ERCC1: variants seen among roughly 807,000 people sequenced by gnomAD.
The protein encoded by ERCC1 is DNA excision repair protein ERCC-1.
A neutral mutation model predicts 37.6 loss-of-function variants in ERCC1; 36 were observed. That is an observed-to-expected ratio of 0.96 (90% CI 0.73 to 1.26). ERCC1 has a LOEUF of 1.26. Among genes scored for constraint, ERCC1 ranks in the 50% most tolerant of loss-of-function variants. The pLI is 0.00. For synonymous variants in ERCC1, 156 were observed against 162.1 expected (o/e 0.96, Z 0.28); for missense variants, 349 against 376.5 (o/e 0.93, Z 0.60).
chr19:45,427,824 C>G (rs1035817998), upstream of ERCC1, among the ~76,000 whole-genome samples: 23 of 151,452 alleles, frequency 1.5e-4, no homozygotes, highest in African/African-American at 5.3e-4. Context: ...GAGCCGGGGC[C>G]TCTCTGCTCC....
intron 1 of ERCC1, among the ~76,000 whole-genome samples, chr19:45,441,047 T>TA (rs1418530198): frequency 5.9e-5 from 9 of 152,298 alleles, no homozygotes; most frequent in Non-Finnish European, 1.2e-4. Context: ...CCGCCTCCAC[T>TA]AAGATTCTTT....
chr19:45,424,258 C>T (rs1306430363), upstream of ERCC1: 1 of 166,116 alleles, frequency 6.0e-6, no homozygotes, highest in Non-Finnish European at 1.3e-5. Flanking sequence ...CGCTTCCTCT[C>T]TTCCCGGTCC....
intron 1 of ERCC1, among the ~76,000 whole-genome samples, chr19:45,430,419 G>A (rs1420931925): frequency 2.0e-5 from 3 of 152,150 alleles, no homozygotes; most frequent in Admixed American, 6.6e-5. Flanking sequence ...GGCCCAAAGG[G>A]GCTAAAAGTA....
upstream of ERCC1, among the ~76,000 whole-genome samples, chr19:45,424,957 T>A (rs1273973443): frequency 6.7e-6 from 1 of 148,578 alleles, no homozygotes; most frequent in Non-Finnish European, 1.5e-5. Flanking sequence ...AGTTTCGCTC[T>A]TATTACCCAG....
chr19:45,409,312 G>T lies in ERCC1; in HGVS notation c.*363C>A. The T allele has an allele frequency of 1.2e-6, 2 of 1,614,064 alleles. No individual in the cohort carries two copies. The highest frequency in any genetic ancestry group is 1.7e-6 in the Non-Finnish European group (2 of 1,180,018). On this transcript the variant is annotated 3_prime_UTR_variant, in exon 10 of 10. Transcript: ENST00000300853. ...CACTAGAGCCTGAACTGCCAGGGGAGGGACAGCCTGAAGCCAGGGCAACTC... is the reference window on the plus strand; with the variant it reads ...CACTAGAGCCTGAACTGCCAGGGGATGGACAGCCTGAAGCCAGGGCAACTC...
intron 1 of ERCC1, among the ~76,000 whole-genome samples, chr19:45,442,702 G>A (rs952868894): frequency 4.6e-5 from 7 of 152,162 alleles, no homozygotes; most frequent in Non-Finnish European, 8.8e-5. Flanking sequence ...CAAATCCCAG[G>A]GAGGGTGACA....
intron 1 of ERCC1, among the ~76,000 whole-genome samples, chr19:45,440,763 G>A (rs1445420665): frequency 6.6e-6 from 1 of 152,152 alleles, no homozygotes; most frequent in Non-Finnish European, 1.5e-5. Flanking sequence ...CCAGGCTGGA[G>A]TGCAGTGTTG....
At chr19:45,429,959 T>A (rs889715682) in intron 1 of ERCC1, among the ~76,000 whole-genome samples, 5 of 152,156 alleles carry the variant, frequency 3.3e-5, no homozygotes, top group African/African-American at 9.7e-5. Flanking sequence ...TAATTTTTTA[T>A]TTTTAGTAGA....
chr19:45,450,932 C>G (rs967652552), intron 1 of ERCC1, among the ~76,000 whole-genome samples: 1 of 136,138 alleles, frequency 7.3e-6, no homozygotes, highest in Non-Finnish European at 1.6e-5. Flanking sequence ...GGTGACGCGA[C>G]GGACTGTGGA....
At chr19:45,438,490 T>G (rs1451334470) in intron 1 of ERCC1, among the ~76,000 whole-genome samples, 1 of 152,134 alleles carries the variant, frequency 6.6e-6, no homozygotes, top group Non-Finnish European at 1.5e-5. Flanking sequence ...TAAGACAGTC[T>G]CACTCTGTCG....
chr19:45,442,667 A>G (rs1975151854), intron 1 of ERCC1, among the ~76,000 whole-genome samples: 1 of 152,196 alleles, frequency 6.6e-6, no homozygotes, highest in African/African-American at 2.4e-5. Flanking sequence ...GATGAGATCA[A>G]AGAGGCAAGG....
At chr19:45,427,798 G>T (rs1244861384), upstream of ERCC1, among the ~76,000 whole-genome samples, 3 of 152,170 alleles carry the variant, frequency 2.0e-5, no homozygotes. Context: ...ACCACAAGAG[G>T]ATTGGAAGTG....
chr19:45,409,877 G>T, intron 9 of ERCC1, 152 bp from the exon 10 acceptor site: 3 of 256,072 alleles, frequency 1.2e-5, no homozygotes, highest in Non-Finnish European at 1.4e-5. Flanking sequence ...ATCTTTTTAA[G>T]TTATTATTAT....
At chr19:45,415,274 G>A (rs1973986149) in intron 6 of ERCC1, among the ~76,000 whole-genome samples, 1 of 147,988 alleles carries the variant, frequency 6.8e-6, no homozygotes, top group Non-Finnish European at 1.5e-5. Context: ...GGCGGAGGTT[G>A]CAGTGAGCCA....
chr19:45,439,589 C>G (rs1405697114), intron 1 of ERCC1, among the ~76,000 whole-genome samples: 2 of 152,198 alleles, frequency 1.3e-5, no homozygotes, highest in African/African-American at 2.4e-5. Flanking sequence ...GAGACGGACT[C>G]AGGCCCAGCT....
At chr19:45,414,590 G>A in intron 7 of ERCC1, 1 of 470,054 alleles carries the variant, frequency 2.1e-6, no homozygotes. Context: ...GAGGCCACGG[G>A]GCTTCTGAGC....
Position 45,419,295 on chromosome 19 carries a change from G to A in ERCC1, c.426-98C>T, listed in dbSNP as rs55740187. 1,565 of 856,338 alleles carry A rather than the reference G, an allele frequency of 1.8e-3. 14 individuals carry two copies. The African/African-American group carries it at 0.022, about 12-fold the overall frequency. The allele number at this position is 856,338 out of a possible 1,614,324, so 53.0% of individuals were successfully genotyped here. A position where few individuals can be genotyped will look rare whatever the true frequency, so the allele number is the denominator to read the frequency against. ...CTGGAATACTAAGGGCTCAGAGTACGGCATGGGGGACAGAGGGTCCTGAGG... is the reference window on the plus strand; with the variant it reads ...CTGGAATACTAAGGGCTCAGAGTACAGCATGGGGGACAGAGGGTCCTGAGG... On this transcript the variant is annotated intron_variant, in intron 4 of 9. Transcript: ENST00000300853.
chr19:45,423,964 C>A (rs1599845492), upstream of ERCC1: 1 of 1,074,310 alleles, frequency 9.3e-7, no homozygotes, highest in Non-Finnish European at 1.1e-6. Flanking sequence ...TAGAGCAGGG[C>A]GATCTCTGTA....
chr19:45,422,743 C>T (rs563708700), intron 2 of ERCC1, among the ~76,000 whole-genome samples: 23 of 151,998 alleles, frequency 1.5e-4, no homozygotes, highest in Admixed American at 4.6e-4. Context: ...GGCAAAAGAG[C>T]GAGACTCTGT....
Sources: gnomAD v4.1 joint callset for allele counts (sites outside exome capture counted in the v4.1 genomes callset) on GRCh38, gnomAD v4.1.1 for gene constraint, MANE v1.5 for transcripts, NCBI Gene and HGNC (gene_info 2026-07-23, HGNC 2026-07-21) for gene names.